Variants in TREH observed in about 807,000 individuals in gnomAD.
The protein encoded by TREH is trehalase.
A neutral mutation model predicts 80.5 loss-of-function variants in TREH; 69 were observed. The ratio of observed to expected loss-of-function variants is 0.86; its 90% confidence interval spans 0.71 to 1.05. TREH has a LOEUF of 1.05. TREH is among the 50% of genes least tolerant of loss of function. The pLI, the probability that TREH is intolerant of heterozygous loss-of-function variation, is 0.00. For missense variants in TREH, 716 were observed against 718.8 expected, an observed-to-expected ratio of 1.00 and a Z score of 0.04; for synonymous variants, 309 against 293.5, an observed-to-expected ratio of 1.05 and a Z score of -0.54.
rs1037361934 is a variant in TREH, at chr11:118,679,602, C to G, written c.26G>C (p.Cys9Ser). 21 of 1,550,300 alleles carry G rather than the reference C, an allele frequency of 1.4e-5. No individual in the cohort carries two copies. The highest frequency in any genetic ancestry group is 1.9e-5 in the Admixed American group (1 of 53,598). The change falls in exon 1 of 15, where the codon TGC becomes TCC. Residue 9 changes from cysteine to serine, a missense_variant. Coordinates refer to ENST00000264029, the MANE Select transcript of TREH (RefSeq NM_007180.3). ...TCCCAGCCCCAGCAGCAGTAGCAGG[C>G]ACAGCTCCCAGGTCCTCCCTGGCAT... Reference protein sequence around the residue: MPGRTWELCLLLLLGLGLG... With the variant: MPGRTWELSLLLLLGLGLG...
chr11:118,673,129 T>C (rs1422764009), intron 1 of TREH, among the ~76,000 whole-genome samples: 1 of 152,208 alleles, frequency 6.6e-6, no homozygotes, highest in Non-Finnish European at 1.5e-5. Context: ...CTGTTTTAGA[T>C]AGCACATGCT....
intron 13 of TREH, 63 bp downstream of exon 13, chr11:118,658,842 G>C (rs569335995): frequency 8.1e-6 from 13 of 1,606,240 alleles, no homozygotes; most frequent in Non-Finnish European, 1.1e-5. Context: ...AGCAGCCCCT[G>C]CAGTGCTCAG....
At chr11:118,671,733 C>T (rs1463433427) in intron 1 of TREH, among the ~76,000 whole-genome samples, 15 of 152,068 alleles carry the variant, frequency 9.9e-5, no homozygotes, top group African/African-American at 3.6e-4. Flanking sequence ...CCAAAGACTA[C>T]CTCAAGGCAT....
At chr11:118,671,915 G>A (rs1049984619) in intron 1 of TREH, among the ~76,000 whole-genome samples, 26 of 152,120 alleles carry the variant, frequency 1.7e-4, no homozygotes, top group African/African-American at 5.8e-4. Context: ...CATATTTAAA[G>A]TGCTGAAGGA....
At chr11:118,666,875 A>AT (rs1949382798) in intron 1 of TREH, among the ~76,000 whole-genome samples, 1 of 151,844 alleles carries the variant, frequency 6.6e-6, no homozygotes, top group Admixed American at 6.6e-5. Flanking sequence ...GTTTTATTTT[A>AT]TTTTTTATTA....
chr11:118,675,832 G>T (rs1949473464), intron 1 of TREH, among the ~76,000 whole-genome samples: 1 of 152,090 alleles, frequency 6.6e-6, no homozygotes, highest in Non-Finnish European at 1.5e-5. Flanking sequence ...CTCCTCAATA[G>T]CTGGGATTAC....
intron 1 of TREH, among the ~76,000 whole-genome samples, chr11:118,669,333 T>G (rs917727195): frequency 6.6e-6 from 1 of 152,164 alleles, no homozygotes; most frequent in African/African-American, 2.4e-5. Context: ...ATCCAGAAAT[T>G]CCATTGCTAG....
Position 118,661,281 on chromosome 11 carries a change from C to T in TREH, c.736G>A (p.Glu246Lys), listed in dbSNP as rs1555144913. ...TCCAAGGCTAGTGTTTCAATGTTTT[C>T]CCTGGAGTGAAGCAGACAACACCTC... ...THTNDTAFLQ[E>K]NIETLALELD... Residue 246 changes from glutamate (E) to lysine (K), a missense_variant and splice_region_variant, in exon 8 of 15, where the codon GAA becomes AAA. Coordinates refer to ENST00000264029, the MANE Select transcript of TREH (RefSeq NM_007180.3). The surrounding 1 kb of genome is among the most constrained non-coding windows in gnomAD (Gnocchi z 4.2). The T allele has an allele frequency of 6.2e-7, 1 of 1,613,890 alleles. No individual in the cohort carries two copies. Among genetic ancestry groups the T allele is most frequent in the Non-Finnish European group, 8.5e-7 (1 of 1,179,904 alleles).
Position 118,658,139 on chromosome 11 carries a change from A to G in TREH, c.*150T>C, listed in dbSNP as rs1949224153. The stretch of plus-strand genomic sequence containing the variant: ...GGTTCCAGGAGGGAGCTAGGCCCCT[A>G]CCCATGACCTCCAGGTCGTGACCCT... On this transcript the variant is annotated 3_prime_UTR_variant, in exon 15 of 15. Coordinates refer to ENST00000264029, the MANE Select transcript of TREH (RefSeq NM_007180.3). The G allele has an allele frequency of 5.4e-6, 6 of 1,111,074 alleles. 1 individual carries two copies. In the South Asian group the frequency reaches 9.7e-5, roughly 18 times the overall value. The allele number at this position is 1,111,074 out of a possible 1,614,324, so 68.8% of individuals were successfully genotyped here. A position where few individuals can be genotyped will look rare whatever the true frequency, so the allele number is the denominator to read the frequency against.
chr11:118,667,447 C>T (rs1949388583), intron 1 of TREH, among the ~76,000 whole-genome samples: 1 of 152,134 alleles, frequency 6.6e-6, no homozygotes, highest in Non-Finnish European at 1.5e-5. Flanking sequence ...GTGATCCTCC[C>T]GGCTTGGCCT....
intron 4 of TREH, among the ~76,000 whole-genome samples, chr11:118,662,504 G>A (rs531494860): frequency 2.6e-5 from 4 of 152,330 alleles, no homozygotes; most frequent in Non-Finnish European, 4.4e-5. Context: ...CTGGCCCCAC[G>A]CAGCAGTAGC....
At chr11:118,659,137 G>A (rs1949271809) in intron 12 of TREH, 120 bp from the exon 13 acceptor site, 2 of 1,114,524 alleles carry the variant, frequency 1.8e-6, no homozygotes, top group Non-Finnish European at 2.6e-6. Context: ...TCCTTCCTGA[G>A]ACCACAGGCC....
Position 118,676,702 on chromosome 11 carries a change from G to A in TREH, c.89+2837C>T, listed in dbSNP as rs536851527. Among the ~76,000 whole-genome samples the A allele has an allele frequency of 1.7e-4, 5 of 29,310 alleles. No homozygotes were observed. In the South Asian group the frequency reaches 7.9e-3, roughly 46 times the overall value. The allele number at this position is 29,310 out of a possible 152,430, so 19.2% of individuals were successfully genotyped here. ...GAATCACTTGAACCCTGGGGGCAGA[G>A]GTTGCATTGAGCCAAAATGCTCACC... On this transcript the variant is annotated intron_variant, in intron 1 of 14. Coordinates refer to ENST00000264029, the MANE Select transcript of TREH (RefSeq NM_007180.3).
At position 118,660,901 on chromosome 11, in the gene TREH, C is replaced by CT; in HGVS notation, c.871dup (p.Ser291LysfsTer8). ...GGTGTCAGCCAACTCCACATCTTTGCTGTAGGACTCAGGCCTGGCAAAGAG... is the reference window on the plus strand; with the variant it reads ...GGTGTCAGCCAACTCCACATCTTTGCTTGTAGGACTCAGGCCTGGCAAAGAG... On this transcript the variant is annotated frameshift_variant, in exon 9 of 15. Coordinates refer to ENST00000264029, the MANE Select transcript of TREH (RefSeq NM_007180.3). LOFTEE classifies it high-confidence loss of function. 1.3e-6 allele frequency: 2 copies of CT among 1,572,464 alleles called. No homozygotes were observed. The highest frequency in any genetic ancestry group is 1.7e-6 in the Non-Finnish European group (2 of 1,158,232).
chr11:118,664,827 G>T (rs1949361775), intron 1 of TREH, among the ~76,000 whole-genome samples: 1 of 152,184 alleles, frequency 6.6e-6, no homozygotes, highest in African/African-American at 2.4e-5. Context: ...TGTGTGCTCT[G>T]GCCGGGCACA....
intron 1 of TREH, among the ~76,000 whole-genome samples, chr11:118,668,010 G>A (rs781874154): frequency 1.1e-4 from 17 of 152,012 alleles, no homozygotes; most frequent in Admixed American, 3.3e-4. Flanking sequence ...GATTACAGGC[G>A]TGTACCACCA....
intron 10 of TREH, 114 bp downstream of exon 10, chr11:118,660,425 C>G (rs774102934): frequency 5.2e-6 from 6 of 1,144,234 alleles, no homozygotes; most frequent in Non-Finnish European, 3.7e-6. Flanking sequence ...GGGCGGGGCT[C>G]GACAGGCTAA....
At chr11:118,668,561 C>A (rs1189739378) in intron 1 of TREH, among the ~76,000 whole-genome samples, 47 of 47,868 alleles carry the variant, frequency 9.8e-4, no homozygotes, top group African/African-American at 1.8e-3. Context: ...GACTCTGTCT[C>A]AAAAAAAAAA....
At position 118,660,916 on chromosome 11, in the gene TREH, C is replaced by A; in HGVS notation, c.858-1G>T. ...CACATCTTTGCTGTAGGACTCAGGCCTGGCAAAGAGGAGAGGTGGGCAGCC... is the reference window on the plus strand; with the variant it reads ...CACATCTTTGCTGTAGGACTCAGGCATGGCAAAGAGGAGAGGTGGGCAGCC... On this transcript the variant is annotated splice_acceptor_variant, in intron 8 of 14. Coordinates refer to ENST00000264029, the MANE Select transcript of TREH (RefSeq NM_007180.3). LOFTEE classifies it high-confidence loss of function. The A allele has an allele frequency of 6.4e-7, 1 of 1,570,496 alleles. No homozygotes were observed. Among genetic ancestry groups the A allele is most frequent in the Non-Finnish European group, 8.6e-7 (1 of 1,157,140 alleles).
Sources: allele counts gnomAD v4.1 joint callset (sites outside exome capture counted in the v4.1 genomes callset), GRCh38; gene constraint gnomAD v4.1.1; non-coding constraint Gnocchi (gnomAD v3.1); transcripts MANE v1.5; gene names NCBI Gene and HGNC (gene_info 2026-07-23, HGNC 2026-07-21).